Variants in GABRA4 observed in about 807,000 individuals in gnomAD.
GABRA4 encodes gamma-aminobutyric acid type A receptor subunit alpha4, also known as gamma-aminobutyric acid receptor subunit alpha-4.
In GABRA4, 12 loss-of-function variants were observed where a neutral mutation model predicts 49.7. That is an observed-to-expected ratio of 0.24 (90% CI 0.15 to 0.39). The LOEUF is 0.39. Ranked by LOEUF, GABRA4 falls within the 10% of genes least tolerant of loss-of-function variation. The pLI is 1.00. For synonymous variants in GABRA4, 288 were observed against 240.2 expected (o/e 1.20, Z -1.84); for missense variants, 506 against 686.0 (o/e 0.74, Z 2.93).
Position 46,921,408 on chromosome 4 carries a change from C to T in GABRA4, c.*6817G>A, listed in dbSNP as rs1342731586. On this transcript the variant is annotated 3_prime_UTR_variant, in exon 9 of 9. Transcript: ENST00000264318. ...AATACAAAGGAAAGGGAAGCAATCT[C>T]AGAGGAAAACTCTGGGATTCCCCTA... 1 of 151,952 alleles carries T rather than the reference C, an allele frequency of 6.6e-6. No homozygotes were observed. The highest frequency in any genetic ancestry group is 1.5e-5 in the Non-Finnish European group (1 of 67,924). The allele number at this position is 151,952 out of a possible 1,614,324, so 9.4% of individuals were successfully genotyped here.
Position 46,920,360 on chromosome 4 carries a change from A to G in GABRA4, c.*7865T>C, listed in dbSNP as rs937555389. 1 of 151,708 alleles carries G rather than the reference A, an allele frequency of 6.6e-6. No homozygotes were observed. The highest frequency in any genetic ancestry group is 2.4e-5 in the African/African-American group (1 of 41,428). 9.4% of individuals were successfully genotyped at this position (151,708 alleles called of 1,614,324 possible). On this transcript the variant is annotated 3_prime_UTR_variant, in exon 9 of 9. Transcript: ENST00000264318. Reference sequence around the variant, plus strand: ...TTCAGGTATTTGCCAGTCTCCTTTAATGGATACTATAGTAATAATAAAAAT... The same window carrying G: ...TTCAGGTATTTGCCAGTCTCCTTTAGTGGATACTATAGTAATAATAAAAAT...
At chr4:46,958,635 A>G (rs959264338) in intron 8 of GABRA4, among the ~76,000 whole-genome samples, 1 of 151,958 alleles carries the variant, frequency 6.6e-6, no homozygotes, top group African/African-American at 2.4e-5. Context: ...CAGCAGAAAC[A>G]GAACAGCTGG....
At chr4:46,992,111 C>A (rs547935562) in intron 2 of GABRA4, among the ~76,000 whole-genome samples, 1 of 152,224 alleles carries the variant, frequency 6.6e-6, no homozygotes, top group East Asian at 1.9e-4. Context: ...CAAAGCTTGC[C>A]ACATAGATTT....
chr4:46,974,481 A>G (rs1723066488), intron 5 of GABRA4, 106 bp from the exon 6 acceptor site: 2 of 1,074,282 alleles, frequency 1.9e-6, no homozygotes. Context: ...GAATAAATGA[A>G]AACAATGTTC....
intron 8 of GABRA4, among the ~76,000 whole-genome samples, chr4:46,962,845 A>G (rs552278734): frequency 6.6e-6 from 1 of 152,012 alleles, no homozygotes; most frequent in Admixed American, 6.6e-5. Flanking sequence ...TGCCAAGAAT[A>G]TACAGCTGGA....
chr4:46,946,783 C>G (rs148142109), intron 8 of GABRA4, among the ~76,000 whole-genome samples: 1 of 152,192 alleles, frequency 6.6e-6, no homozygotes, highest in African/African-American at 2.4e-5. Flanking sequence ...AGACTAAGCA[C>G]TGGTGCATTG....
At chr4:46,974,196 A>T (rs1018373433) in intron 6 of GABRA4, 36 bp downstream of exon 6, 2 of 1,580,108 alleles carry the variant, frequency 1.3e-6, no homozygotes, top group Non-Finnish European at 1.7e-6. Flanking sequence ...TGCTAACACC[A>T]AGTAGCATGT....
chr4:46,939,999 C>G (rs1423661753), intron 8 of GABRA4, among the ~76,000 whole-genome samples: 1 of 151,980 alleles, frequency 6.6e-6, no homozygotes, highest in African/African-American at 2.4e-5. Context: ...ATTTATTCTA[C>G]AGAAAACTGT....
At chr4:46,956,053 G>A (rs1444825277) in intron 8 of GABRA4, among the ~76,000 whole-genome samples, 1 of 151,934 alleles carries the variant, frequency 6.6e-6, no homozygotes, top group Non-Finnish European at 1.5e-5. Flanking sequence ...AAAAATGGCT[G>A]GAGATGAAAC....
Position 46,927,988 on chromosome 4 carries a change from T to C in GABRA4, c.*237A>G, listed in dbSNP as rs1721288083. On this transcript the variant is annotated 3_prime_UTR_variant, in exon 9 of 9. Transcript: ENST00000264318. Reference sequence around the variant, plus strand: ...CTCTTATCCCAACTTTCCAGGATGGTGTGTATTCTATCTAACTGAATGCTG... The same window carrying C: ...CTCTTATCCCAACTTTCCAGGATGGCGTGTATTCTATCTAACTGAATGCTG... 6 of 373,360 alleles carry C rather than the reference T, an allele frequency of 1.6e-5. No individual in the cohort carries two copies. The highest frequency in any genetic ancestry group is 4.3e-5 in the Admixed American group (1 of 23,296). 23.1% of individuals were successfully genotyped at this position (373,360 alleles called of 1,614,324 possible).
chr4:46,955,014 C>A (rs1412318393), intron 8 of GABRA4, among the ~76,000 whole-genome samples: 2 of 151,102 alleles, frequency 1.3e-5, no homozygotes, highest in South Asian at 2.1e-4. Context: ...AAGCAACTAG[C>A]ACAGTATGTA....
At chr4:46,938,732 CTT>C (rs1721685029) in intron 8 of GABRA4, among the ~76,000 whole-genome samples, 1 of 151,970 alleles carries the variant, frequency 6.6e-6, no homozygotes, top group Non-Finnish European at 1.5e-5. Flanking sequence ...TGTTTCATCT[CTT>C]GTTGGAGTTT....
intron 2 of GABRA4, among the ~76,000 whole-genome samples, chr4:46,986,426 T>C (rs977144263): frequency 1.3e-5 from 2 of 152,010 alleles, no homozygotes; most frequent in African/African-American, 2.4e-5. Context: ...CTTTATTTTT[T>C]CTTTCTTTAT....
chr4:46,951,264 GTTAATA>G (rs1333108041), intron 8 of GABRA4, among the ~76,000 whole-genome samples: 1 of 150,008 alleles, frequency 6.7e-6, no homozygotes, highest in Admixed American at 6.7e-5. Context: ...TATCTAACCA[GTTAATA>G]TTAATAATAT....
At chr4:46,945,099 G>A (rs1043284621) in intron 8 of GABRA4, among the ~76,000 whole-genome samples, 2 of 152,150 alleles carry the variant, frequency 1.3e-5, no homozygotes, top group African/African-American at 4.8e-5. Context: ...AAAGTCAAAA[G>A]TAGCACATTT....
intron 3 of GABRA4, among the ~76,000 whole-genome samples, chr4:46,978,466 T>A (rs552600288): frequency 1.3e-5 from 2 of 151,670 alleles, no homozygotes; most frequent in South Asian, 4.2e-4. Context: ...GGTGAGAGGA[T>A]CACCTGAGGT....
chr4:46,991,646 C>T lies in GABRA4; in HGVS notation c.205+1182G>A, dbSNP rs1389958951. 5.9e-5 allele frequency among the ~76,000 whole-genome samples: 9 copies of T among 152,266 alleles called. No homozygotes were observed. The South Asian group carries it at 1.5e-3, about 25-fold the overall frequency. On this transcript the variant is annotated intron_variant, in intron 2 of 8. Coordinates refer to ENST00000264318, the MANE Select transcript of GABRA4 (RefSeq NM_000809.4). ...GCATCTGATACCATCCCCATCTGCA[C>T]GGCTTTGTCTTTTAAATACACAGCC...
rs537113919 is a variant in GABRA4 at position 46,979,185 on chromosome 4, A to T, written c.206-87T>A. On this transcript the variant is annotated intron_variant, in intron 2 of 8. Transcript: ENST00000264318. ...TTAGATAATTACAGAGTAAATACAG[A>T]TATGATATATCATGTTTTTACAAGC... 31 of 766,856 alleles carry T rather than the reference A, an allele frequency of 4.0e-5. No homozygotes were observed. In the East Asian group the frequency reaches 7.7e-4, roughly 19 times the overall value. 47.5% of individuals were successfully genotyped at this position (766,856 alleles called of 1,614,324 possible).
chr4:46,978,319 T>C, intron 3 of GABRA4, among the ~76,000 whole-genome samples: 1 of 151,886 alleles, frequency 6.6e-6, no homozygotes, highest in East Asian at 1.9e-4. Flanking sequence ...TAATGAAAAC[T>C]ATAAAATAGT....
Sources: allele counts gnomAD v4.1 joint callset (sites outside exome capture counted in the v4.1 genomes callset), GRCh38; gene constraint gnomAD v4.1.1; transcripts MANE v1.5; gene names NCBI Gene and HGNC (gene_info 2026-07-23, HGNC 2026-07-21).